NEBL: variants seen among roughly 807,000 people sequenced by gnomAD.
NEBL encodes the protein LIM and SH3 protein 2.
In NEBL, 122 loss-of-function variants were observed where a neutral mutation model predicts 140.2. The observed-to-expected ratio is 0.87, with a 90% CI of 0.75 to 1.01. The LOEUF (loss-of-function observed/expected upper bound fraction) is 1.01. NEBL is among the 50% of genes least tolerant of loss of function. The probability of loss-of-function intolerance (pLI) is 0.00; values close to 1 mark genes in which losing one functional copy is unlikely to be tolerated. For synonymous variants in NEBL, 436 were observed against 398.9 expected, an observed-to-expected ratio of 1.09 and a Z score of -1.11; for missense variants, 1,365 against 1,231.3, an observed-to-expected ratio of 1.11 and a Z score of -1.62.
chr10:20,807,755 C>T (rs1333189619), intron 26 of NEBL, among the ~76,000 whole-genome samples: 1 of 152,098 alleles, frequency 6.6e-6, no homozygotes, highest in African/African-American at 2.4e-5. Flanking sequence ...TCAGTCCTTT[C>T]CCCCTCCTTG....
At chr10:21,116,153 G>A (rs1419383304) in intron 2 of NEBL, among the ~76,000 whole-genome samples, 2 of 151,312 alleles carry the variant, frequency 1.3e-5, no homozygotes, top group Non-Finnish European at 2.9e-5. Flanking sequence ...ATTTACAATA[G>A]TTCTTTTAAT....
intron 2 of NEBL, among the ~76,000 whole-genome samples, chr10:20,894,927 TAAAA>T (rs56137796): frequency 1.3e-5 from 1 of 79,882 alleles, no homozygotes. Context: ...AGACTCTGTC[TAAAA>T]AAAAAAAAAA....
intron 2 of NEBL, chr10:21,070,094 A>G: frequency 2.3e-6 from 1 of 429,040 alleles, no homozygotes; most frequent in Non-Finnish European, 4.7e-6. Flanking sequence ...TACTGTATCC[A>G]CTAGTAGCTG....
chr10:21,115,538 T>A (rs1174193673), intron 2 of NEBL, among the ~76,000 whole-genome samples: 2 of 152,012 alleles, frequency 1.3e-5, no homozygotes, highest in Non-Finnish European at 2.9e-5. Context: ...AGGTGAGAGT[T>A]TTTTTTCTTT....
intron 4 of NEBL, among the ~76,000 whole-genome samples, chr10:20,937,885 G>C (rs1487126747): frequency 6.6e-6 from 1 of 152,206 alleles, no homozygotes; most frequent in Non-Finnish European, 1.5e-5. Flanking sequence ...GGCAGCAAGG[G>C]TGGAGGAGGG....
At chr10:20,863,772 G>C (rs929559425) in intron 7 of NEBL, among the ~76,000 whole-genome samples, 8 of 152,038 alleles carry the variant, frequency 5.3e-5, no homozygotes, top group African/African-American at 1.7e-4. Flanking sequence ...AATGGATTTC[G>C]AAAACACACA....
At position 21,155,038 on chromosome 10, in the gene NEBL, C is replaced by T. The variant is rs143202981; in HGVS notation, c.164+17345G>A. ...ACATGGTGAAACCCCATATCTACTA[C>T]AAATACAAAAATTAGCCAGGGGTGA... On this transcript the variant is annotated intron_variant, in intron 2 of 6. Transcript: ENST00000417816. Among the ~76,000 whole-genome samples, 224 of 152,054 alleles carry T rather than the reference C, an allele frequency of 1.5e-3. 4 individuals are homozygous for T. The East Asian group carries it at 0.037, about 25-fold the overall frequency.
intron 2 of NEBL, among the ~76,000 whole-genome samples, chr10:21,044,425 A>AAAAAAAAC: frequency 6.7e-6 from 1 of 150,016 alleles, no homozygotes; most frequent in Non-Finnish European, 1.5e-5. Flanking sequence ...AAAAAAAAAA[A>AAAAAAAAC]AAGCTCCTAA....
chr10:21,185,731 A>C (rs1245451225), intron 3 of NEBL, among the ~76,000 whole-genome samples: 1 of 151,968 alleles, frequency 6.6e-6, no homozygotes, highest in East Asian at 1.9e-4. Context: ...TCCTGACCTC[A>C]GTTGATCCAC....
At chr10:21,253,098 C>A (rs1842608055) in intron 1 of NEBL, among the ~76,000 whole-genome samples, 1 of 152,050 alleles carries the variant, frequency 6.6e-6, no homozygotes. Flanking sequence ...CCCATCTCTA[C>A]TAAAAATACA....
chr10:20,837,272 C>T (rs1840991134), intron 13 of NEBL, among the ~76,000 whole-genome samples: 1 of 152,200 alleles, frequency 6.6e-6, no homozygotes, highest in Non-Finnish European at 1.5e-5. Flanking sequence ...CCAGTGAACA[C>T]ATGAATTATA....
At chr10:21,040,980 A>G (rs115528595) in intron 2 of NEBL, among the ~76,000 whole-genome samples, 239 of 152,292 alleles carry the variant, frequency 1.6e-3, no homozygotes, top group African/African-American at 4.6e-3. Flanking sequence ...TGGAACCAAG[A>G]GCCAATTAAG....
intron 2 of NEBL, among the ~76,000 whole-genome samples, chr10:21,249,937 A>T (rs1051077827): frequency 2.0e-5 from 3 of 152,008 alleles, no homozygotes; most frequent in Non-Finnish European, 4.4e-5. Context: ...GGTGGTACAC[A>T]CCTGTAATCC....
chr10:21,260,356 G>C (rs1358185881), intron 1 of NEBL, among the ~76,000 whole-genome samples: 1 of 152,212 alleles, frequency 6.6e-6, no homozygotes, highest in East Asian at 1.9e-4. Context: ...TTTGCTAACA[G>C]GGCCTGCGGA....
At chr10:20,807,404 T>C (rs563575097) in intron 26 of NEBL, among the ~76,000 whole-genome samples, 1 of 152,288 alleles carries the variant, frequency 6.6e-6, no homozygotes, top group African/African-American at 2.4e-5. Context: ...CATGTATTTT[T>C]ACCCACAATA....
intron 2 of NEBL, among the ~76,000 whole-genome samples, chr10:21,105,293 T>G (rs1388178053): frequency 2.6e-5 from 4 of 152,138 alleles, no homozygotes; most frequent in African/African-American, 9.7e-5. Flanking sequence ...ACCCATCAAC[T>G]CGTCATTTAC....
intron 2 of NEBL, among the ~76,000 whole-genome samples, chr10:21,123,882 T>C (rs11012536): frequency 0.2 from 30,383 of 151,316 alleles, 3,170 homozygotes; most frequent in East Asian, 0.32. Flanking sequence ...TGTTATTTAG[T>C]AAATTTTTCA....
chr10:21,277,245 G>T (rs1588591851), intron 1 of NEBL, among the ~76,000 whole-genome samples: 1 of 132,970 alleles, frequency 7.5e-6, no homozygotes, highest in East Asian at 2.1e-4. Flanking sequence ...GTCTCGCTCT[G>T]TCGCCCAGGC....
At chr10:21,251,308 C>T (rs1842585417) in intron 2 of NEBL, among the ~76,000 whole-genome samples, 2 of 152,162 alleles carry the variant, frequency 1.3e-5, no homozygotes, top group African/African-American at 4.8e-5. Flanking sequence ...GACCCTCATC[C>T]CTCTTGGTAG....
Sources: allele counts gnomAD v4.1 joint callset (sites outside exome capture counted in the v4.1 genomes callset), GRCh38; gene constraint gnomAD v4.1.1; transcripts MANE v1.5; gene names NCBI Gene and HGNC (gene_info 2026-07-23, HGNC 2026-07-21).